The following JMJD1C variants were observed in gnomAD, a reference collection of about 807,000 sequenced individuals.
The protein encoded by JMJD1C is jumonji domain containing 1C.
Under a neutral mutation model 245.3 loss-of-function variants are expected in JMJD1C, and 31 were observed. The observed-to-expected ratio is 0.13, with a 90% confidence interval of 0.09 to 0.17. The LOEUF is 0.17. JMJD1C is among the 10% of genes least tolerant of loss of function. The pLI, the probability that JMJD1C is intolerant of heterozygous loss-of-function variation, is 1.00. For missense variants in JMJD1C, 2,691 were observed against 3,000.2 expected (o/e 0.90, Z 2.41); for synonymous variants, 1,057 against 1,017.4 (o/e 1.04, Z -0.74).
intron 1 of JMJD1C, among the ~76,000 whole-genome samples, chr10:63,487,206 A>G (rs1954027397): frequency 6.6e-6 from 1 of 152,238 alleles, no homozygotes; most frequent in Admixed American, 6.5e-5. Context: ...GAAGTATTAA[A>G]GGACTACCAG....
chr10:63,271,326 G>A (rs1242756600), intron 2 of JMJD1C, among the ~76,000 whole-genome samples: 9 of 149,850 alleles, frequency 6.0e-5, no homozygotes, highest in Admixed American at 6.6e-5. Context: ...ATAGACACGC[G>A]CCACCGTGCC....
At chr10:63,513,640 C>T (rs1421915471) in intron 1 of JMJD1C, among the ~76,000 whole-genome samples, 1 of 152,106 alleles carries the variant, frequency 6.6e-6, no homozygotes, top group African/African-American at 2.4e-5. Context: ...AGGCCGGGCA[C>T]GGTGGCTCAT....
chr10:63,222,452 G>C (rs1450497431), intron 3 of JMJD1C: 13 of 955,542 alleles, frequency 1.4e-5, no homozygotes, highest in Non-Finnish European at 2.1e-5. Flanking sequence ...GCTAAATCTT[G>C]ATGAAAACAA....
At chr10:63,454,103 A>C (rs1952247114) in intron 1 of JMJD1C, among the ~76,000 whole-genome samples, 1 of 152,184 alleles carries the variant, frequency 6.6e-6, no homozygotes, top group African/African-American at 2.4e-5. Flanking sequence ...TTTAATGGTT[A>C]CTACAGAATA....
At chr10:63,372,313 C>G (rs1046272923) in intron 2 of JMJD1C, among the ~76,000 whole-genome samples, 8 of 152,270 alleles carry the variant, frequency 5.3e-5, no homozygotes, top group South Asian at 2.1e-4. Flanking sequence ...TTCAGAAATT[C>G]AAGTAAATTA....
intron 2 of JMJD1C, among the ~76,000 whole-genome samples, chr10:63,330,264 T>C (rs1304109906): frequency 2.6e-5 from 4 of 152,190 alleles, no homozygotes; most frequent in Admixed American, 2.6e-4. Flanking sequence ...GTGTACTAAA[T>C]GCATTTTCAA....
At chr10:63,332,430 C>T (rs1285216117) in intron 2 of JMJD1C, among the ~76,000 whole-genome samples, 1 of 152,188 alleles carries the variant, frequency 6.6e-6, no homozygotes, top group Non-Finnish European at 1.5e-5. Flanking sequence ...TAAGTATCAC[C>T]TGTGTGATGA....
chr10:63,252,735 GA>G (rs1284626950), intron 3 of JMJD1C, among the ~76,000 whole-genome samples: 1 of 152,140 alleles, frequency 6.6e-6, no homozygotes, highest in Non-Finnish European at 1.5e-5. Context: ...TAAAGAAAAA[GA>G]AACAGGCAAC....
intron 2 of JMJD1C, among the ~76,000 whole-genome samples, chr10:63,378,961 T>C (rs546275790): frequency 2.0e-5 from 3 of 152,278 alleles, no homozygotes; most frequent in African/African-American, 7.2e-5. Context: ...ACAGATATTA[T>C]TTTCATCTTT....
At chr10:63,471,676 G>C (rs574818469) in intron 1 of JMJD1C, among the ~76,000 whole-genome samples, 1 of 152,268 alleles carries the variant, frequency 6.6e-6, no homozygotes, top group South Asian at 2.1e-4. Flanking sequence ...CTAAATAACA[G>C]TTTTTAAACA....
chr10:63,271,008 C>T (rs1451546780), intron 2 of JMJD1C, among the ~76,000 whole-genome samples: 1 of 152,050 alleles, frequency 6.6e-6, no homozygotes, highest in Non-Finnish European at 1.5e-5. Flanking sequence ...AAGTCAACCA[C>T]GCTTCTGTAT....
chr10:63,203,416 A>C (rs774595091), intron 10 of JMJD1C: 169 of 985,266 alleles, frequency 1.7e-4, no homozygotes, highest in Admixed American at 2.5e-4. Flanking sequence ...CTAACAGAAA[A>C]CTGGGGAGGA....
rs147837849 is a variant in JMJD1C at position 63,377,580 on chromosome 10, T to C, written c.333+2738A>G. Among the ~76,000 whole-genome samples the C allele has an allele frequency of 6.4e-3, 971 of 152,044 alleles. 5 individuals carry two copies. The highest frequency in any genetic ancestry group is 0.011 in the Non-Finnish European group (772 of 67,960). ...AAAAACCCTGTCTCTACTAAAAATATGAAAATTAGCCGGGCATGATGGCAG... is the reference window on the plus strand; with the variant it reads ...AAAAACCCTGTCTCTACTAAAAATACGAAAATTAGCCGGGCATGATGGCAG... On this transcript the variant is annotated intron_variant, in intron 2 of 25. Coordinates refer to ENST00000399262, the MANE Select transcript of JMJD1C (RefSeq NM_032776.3).
chr10:63,431,677 G>C (rs917838781), intron 1 of JMJD1C, among the ~76,000 whole-genome samples: 1 of 152,228 alleles, frequency 6.6e-6, no homozygotes, highest in East Asian at 1.9e-4. Flanking sequence ...AGGTGATATT[G>C]TAACTCAGGG....
At chr10:63,349,715 G>C (rs1944179072) in intron 2 of JMJD1C, among the ~76,000 whole-genome samples, 1 of 152,138 alleles carries the variant, frequency 6.6e-6, no homozygotes, top group South Asian at 2.1e-4. Flanking sequence ...AGGCTTCATA[G>C]GTGGGGGAAA....
At chr10:63,433,601 T>G (rs1390947378) in intron 1 of JMJD1C, among the ~76,000 whole-genome samples, 86 of 141,460 alleles carry the variant, frequency 6.1e-4, no homozygotes, top group Non-Finnish European at 1.1e-3. Flanking sequence ...TTTTTTTTTT[T>G]TTGAGACAGG....
intron 16 of JMJD1C, 68 bp downstream of exon 16, chr10:63,192,870 A>G: frequency 8.6e-7 from 1 of 1,169,258 alleles, no homozygotes; most frequent in East Asian, 2.3e-5. Flanking sequence ...TTTATTGTAC[A>G]ATAGTACATT....
chr10:63,440,363 T>G (rs1430642039), intron 1 of JMJD1C, among the ~76,000 whole-genome samples: 12 of 134,586 alleles, frequency 8.9e-5, no homozygotes, highest in Non-Finnish European at 1.5e-4. Flanking sequence ...AATATATATA[T>G]ATAGAGAGAG....
At chr10:63,235,968 G>T (rs181783977) in intron 3 of JMJD1C, among the ~76,000 whole-genome samples, 1 of 152,204 alleles carries the variant, frequency 6.6e-6, no homozygotes, top group Admixed American at 6.5e-5. Context: ...ATTAAAACCA[G>T]GTTAGAAGAA....
Sources: allele counts gnomAD v4.1 joint callset (sites outside exome capture counted in the v4.1 genomes callset), GRCh38; gene constraint gnomAD v4.1.1; transcripts MANE v1.5; gene names NCBI Gene and HGNC (gene_info 2026-07-23, HGNC 2026-07-21).